AKAP19: variants seen among roughly 807,000 people sequenced by gnomAD.
The protein encoded by AKAP19 is small A-kinase anchoring protein.
At chr2:189,917,473 T>C in the AKAP19 span, 2 of 695,268 alleles carry the variant, frequency 2.9e-6, no homozygotes. Context: ...ACTGGTTGAC[T>C]CTTTGAAACA....
the AKAP19 span, among the ~76,000 whole-genome samples, chr2:190,089,152 C>G: frequency 6.6e-6 from 1 of 152,186 alleles, no homozygotes; most frequent in Non-Finnish European, 1.5e-5. Context: ...CATAGACTCT[C>G]TTTGTACCTA....
the AKAP19 span, among the ~76,000 whole-genome samples, chr2:189,913,018 C>G: frequency 6.6e-6 from 1 of 152,086 alleles, no homozygotes; most frequent in African/African-American, 2.4e-5. Flanking sequence ...AAAGGATCTA[C>G]TGGGAGAAGA....
the AKAP19 span, among the ~76,000 whole-genome samples, chr2:190,006,215 T>C: frequency 1.3e-5 from 2 of 152,210 alleles, no homozygotes; most frequent in African/African-American, 4.8e-5. Context: ...GCTATGAAAT[T>C]AGCACTTCAT....
At chr2:190,124,073 G>A in the AKAP19 span, among the ~76,000 whole-genome samples, 7 of 152,126 alleles carry the variant, frequency 4.6e-5, no homozygotes, top group Non-Finnish European at 8.8e-5. Flanking sequence ...TATATGATCG[G>A]CTGCCCTGGT....
the AKAP19 span, among the ~76,000 whole-genome samples, chr2:190,158,962 G>T: frequency 6.6e-6 from 1 of 152,230 alleles, no homozygotes; most frequent in African/African-American, 2.4e-5. Flanking sequence ...AGACTTCTAA[G>T]ACAGGATGAG....
chr2:190,175,676 T>C, the AKAP19 span, among the ~76,000 whole-genome samples: 1 of 152,204 alleles, frequency 6.6e-6, no homozygotes, highest in Non-Finnish European at 1.5e-5. Context: ...ATAAGGAAGA[T>C]AATGTCAATC....
chr2:190,027,642 G>T, the AKAP19 span, among the ~76,000 whole-genome samples: 23 of 152,176 alleles, frequency 1.5e-4, no homozygotes, highest in Admixed American at 3.9e-4. Context: ...AGTGCAATAA[G>T]TATTAATAGG....
the AKAP19 span, among the ~76,000 whole-genome samples, chr2:189,880,856 T>C: frequency 2.6e-5 from 4 of 152,166 alleles, no homozygotes; most frequent in Non-Finnish European, 4.4e-5. Flanking sequence ...ATACCAGTAA[T>C]GATACTAAAA....
the AKAP19 span, among the ~76,000 whole-genome samples, chr2:189,888,194 A>T: frequency 1.3e-5 from 2 of 152,182 alleles, no homozygotes. Flanking sequence ...TCCAAACACC[A>T]TTTTTTAAAT....
chr2:190,114,677 C>T, the AKAP19 span, among the ~76,000 whole-genome samples: 7 of 152,152 alleles, frequency 4.6e-5, no homozygotes, highest in South Asian at 2.1e-4. Context: ...AGGATGGTCT[C>T]GATCTCCTGA....
At chr2:190,182,170 C>T in the AKAP19 span, among the ~76,000 whole-genome samples, 1 of 152,190 alleles carries the variant, frequency 6.6e-6, no homozygotes, top group Non-Finnish European at 1.5e-5. Context: ...AAGCTCATTA[C>T]ATTTTGACGG....
the AKAP19 span, among the ~76,000 whole-genome samples, chr2:189,968,116 A>G: frequency 6.6e-6 from 1 of 152,340 alleles, no homozygotes; most frequent in East Asian, 1.9e-4. Context: ...ACTTAATTCA[A>G]AGGTAGATAA....
chr2:190,085,091 G>A, the AKAP19 span, among the ~76,000 whole-genome samples: 1 of 152,194 alleles, frequency 6.6e-6, no homozygotes, highest in South Asian at 2.1e-4. Flanking sequence ...TTATTGGGAA[G>A]TGGCCAGGAG....
At chr2:189,900,660 A>G in the AKAP19 span, among the ~76,000 whole-genome samples, 1 of 152,124 alleles carries the variant, frequency 6.6e-6, no homozygotes, top group African/African-American at 2.4e-5. Context: ...TAGAACTACT[A>G]TACTGGGGAG....
At chr2:190,195,434 T>G in the AKAP19 span, among the ~76,000 whole-genome samples, 1 of 152,248 alleles carries the variant, frequency 6.6e-6, no homozygotes, top group Non-Finnish European at 1.5e-5. Context: ...TTTTGCATTC[T>G]CACCAACAGT....
At chr2:190,112,931 G>A in the AKAP19 span, among the ~76,000 whole-genome samples, 1 of 151,968 alleles carries the variant, frequency 6.6e-6, no homozygotes, top group South Asian at 2.1e-4. Flanking sequence ...ATTTTAGCAG[G>A]TCTTTTTTTT....
chr2:190,080,599 A>T, the AKAP19 span, among the ~76,000 whole-genome samples: 1 of 152,228 alleles, frequency 6.6e-6, no homozygotes, highest in Non-Finnish European at 1.5e-5. Context: ...CCAGCTAAAG[A>T]AGTGTTCCAG....
At chr2:189,990,859 C>G in the AKAP19 span, among the ~76,000 whole-genome samples, 2 of 152,144 alleles carry the variant, frequency 1.3e-5, no homozygotes, top group African/African-American at 2.4e-5. Context: ...CCCTCACCAT[C>G]CTTCCACCCT....
At chr2:190,091,767 T>C in the AKAP19 span, among the ~76,000 whole-genome samples, 1 of 152,154 alleles carries the variant, frequency 6.6e-6, no homozygotes, top group Non-Finnish European at 1.5e-5. Context: ...AATATAAATG[T>C]GCTTAAAATT....
Sources: allele counts gnomAD v4.1 joint callset (sites outside exome capture counted in the v4.1 genomes callset), GRCh38; gene constraint gnomAD v4.1.1; transcripts MANE v1.5; gene names NCBI Gene and HGNC (gene_info 2026-07-23, HGNC 2026-07-21).